The following HDAC9 variants were observed in gnomAD, a reference collection of about 807,000 sequenced individuals.
HDAC9 encodes the protein histone deacetylase 9, also known as MEF-2 interacting transcription repressor (MITR) protein.
Under a neutral mutation model 139.4 loss-of-function variants are expected in HDAC9, and 41 were observed. The observed-to-expected ratio is 0.29, with a 90% CI of 0.23 to 0.38. HDAC9 has a LOEUF of 0.38. Ranked by LOEUF, HDAC9 falls within the 10% of genes least tolerant of loss-of-function variation. HDAC9 has a pLI of 1.00. For missense variants in HDAC9, 1,147 were observed against 1,297.0 expected, an observed-to-expected ratio of 0.88 and a Z score of 1.78; for synonymous variants, 517 against 476.2, an observed-to-expected ratio of 1.09 and a Z score of -1.12.
At chr7:18,956,900 G>A (rs973306133) in intron 24 of HDAC9, among the ~76,000 whole-genome samples, 3 of 152,198 alleles carry the variant, frequency 2.0e-5, no homozygotes, top group African/African-American at 7.2e-5. Flanking sequence ...CCCATCCTTA[G>A]TGTAAGGCTC....
At chr7:18,589,657 G>GAAGT (rs1419490561) in intron 3 of HDAC9, among the ~76,000 whole-genome samples, 1 of 152,194 alleles carries the variant, frequency 6.6e-6, no homozygotes, top group Non-Finnish European at 1.5e-5. Flanking sequence ...AAGTTTTGTG[G>GAAGT]AAGTGGTTTC....
intron 1 of HDAC9, among the ~76,000 whole-genome samples, chr7:18,120,045 G>T (rs1784267020): frequency 6.6e-6 from 1 of 152,170 alleles, no homozygotes; most frequent in Admixed American, 6.5e-5. Flanking sequence ...CTGGAAATCA[G>T]TGTCTAATAG....
At chr7:18,740,049 G>C (rs1178149) in intron 13 of HDAC9, among the ~76,000 whole-genome samples, 27,083 of 152,212 alleles carry the variant, frequency 0.18, 2,790 homozygotes, top group East Asian at 0.43. Flanking sequence ...ACTGAGCAAG[G>C]CTCTATGAGC....
intron 22 of HDAC9, among the ~76,000 whole-genome samples, chr7:18,911,486 T>G (rs1802736912): frequency 6.6e-6 from 1 of 151,930 alleles, no homozygotes; most frequent in Non-Finnish European, 1.5e-5. Flanking sequence ...TTTGTTCATC[T>G]TTTGTATTTT....
At chr7:18,927,395 A>G (rs181235855) in intron 22 of HDAC9, among the ~76,000 whole-genome samples, 51 of 152,222 alleles carry the variant, frequency 3.4e-4, no homozygotes, top group Non-Finnish European at 7.1e-4. Flanking sequence ...GCCACATGCT[A>G]CCCGAATTTC....
intron 17 of HDAC9, among the ~76,000 whole-genome samples, chr7:18,820,888 C>T (rs1794914733): frequency 6.6e-6 from 1 of 152,104 alleles, no homozygotes; most frequent in Non-Finnish European, 1.5e-5. Flanking sequence ...TCTCTAAGGG[C>T]ATATTATAGA....
At chr7:18,491,273 A>G (rs1359949588), upstream of HDAC9, among the ~76,000 whole-genome samples, 4 of 152,010 alleles carry the variant, frequency 2.6e-5, no homozygotes, top group African/African-American at 7.2e-5. Context: ...TTAAAACAAA[A>G]CAATACACTG....
chr7:18,973,823 GGA>G (rs1784394077), intron 24 of HDAC9, among the ~76,000 whole-genome samples: 1 of 152,128 alleles, frequency 6.6e-6, no homozygotes, highest in South Asian at 2.1e-4. Flanking sequence ...TTTCCCACTT[GGA>G]CTTTTGCCAA....
intron 2 of HDAC9, among the ~76,000 whole-genome samples, chr7:18,521,737 C>G (rs182113478): frequency 4.6e-5 from 7 of 152,066 alleles, no homozygotes; most frequent in African/African-American, 1.7e-4. Context: ...TTTAGAAAAA[C>G]GATAATAAAT....
chr7:18,501,860 G>GTATA (rs1798467281), intron 2 of HDAC9, among the ~76,000 whole-genome samples: 1 of 152,120 alleles, frequency 6.6e-6, no homozygotes, highest in Non-Finnish European at 1.5e-5. Flanking sequence ...TAAGTAGTAG[G>GTATA]TATATTAGTT....
intron 16 of HDAC9, among the ~76,000 whole-genome samples, chr7:18,775,748 A>G (rs994799796): frequency 9.9e-5 from 15 of 150,880 alleles, no homozygotes; most frequent in South Asian, 6.3e-4. Flanking sequence ...TAGACTCTGC[A>G]TTGATTTTCT....
chr7:18,490,299 T>C (rs1205046388), intron 1 of HDAC9, among the ~76,000 whole-genome samples: 1 of 152,012 alleles, frequency 6.6e-6, no homozygotes, highest in Non-Finnish European at 1.5e-5. Context: ...ATTGCACTTC[T>C]AGCAAGTTCC....
intron 17 of HDAC9, among the ~76,000 whole-genome samples, chr7:18,804,144 T>C (rs1793518983): frequency 6.6e-6 from 1 of 152,224 alleles, no homozygotes; most frequent in Non-Finnish European, 1.5e-5. Context: ...CAGAAAGCTT[T>C]ACTGATAAGG....
intron 1 of HDAC9, among the ~76,000 whole-genome samples, chr7:18,424,247 G>T (rs1306437098): frequency 6.6e-6 from 1 of 152,138 alleles, no homozygotes; most frequent in Non-Finnish European, 1.5e-5. Flanking sequence ...CCAGTGTAGT[G>T]AAAAGAATAT....
intron 12 of HDAC9, among the ~76,000 whole-genome samples, chr7:18,715,025 T>C (rs1784600142): frequency 6.6e-6 from 1 of 152,224 alleles, no homozygotes; most frequent in African/African-American, 2.4e-5. Flanking sequence ...AGAAAAGACA[T>C]TCTTTTCAAA....
rs1433515219 is a variant in HDAC9 at position 18,997,998 on chromosome 7, AT to A, written c.*1940del. 6 of 152,166 alleles carry A rather than the reference AT, an allele frequency of 3.9e-5. No homozygotes were observed. Among genetic ancestry groups the A allele is most frequent in the Non-Finnish European group, 8.8e-5 (6 of 68,006 alleles). 9.4% of individuals were successfully genotyped at this position (152,166 alleles called of 1,614,324 possible). On this transcript the variant is annotated 3_prime_UTR_variant, in exon 26 of 26. Coordinates refer to ENST00000686413, the MANE Select transcript of HDAC9 (RefSeq NM_178425.4). ...CATAGTAGTAATCAATTTTTTATAA[AT>A]TTTATTTTCATGAGAAATTCATACC... is the stretch of plus-strand genomic sequence containing the variant.
At chr7:18,157,804 TGAGAGA>T (rs67690215) in intron 1 of HDAC9, among the ~76,000 whole-genome samples, 7,824 of 109,364 alleles carry the variant, frequency 0.072, 277 homozygotes, top group African/African-American at 0.083. Flanking sequence ...TTCTAAGGCA[TGAGAGA>T]GAGAGAGAGA....
chr7:18,475,451 A>C (rs1323583340), intron 1 of HDAC9, among the ~76,000 whole-genome samples: 1 of 152,214 alleles, frequency 6.6e-6, no homozygotes, highest in Non-Finnish European at 1.5e-5. Context: ...CCCGGGAGAT[A>C]TCTTGCTATC....
chr7:18,488,441 A>G (rs1796130154), intron 1 of HDAC9, among the ~76,000 whole-genome samples: 1 of 152,054 alleles, frequency 6.6e-6, no homozygotes. Context: ...CATTAGTTTT[A>G]GGGTCACAGA....
Sources: allele counts gnomAD v4.1 joint callset (sites outside exome capture counted in the v4.1 genomes callset), GRCh38; gene constraint gnomAD v4.1.1; transcripts MANE v1.5; gene names NCBI Gene and HGNC (gene_info 2026-07-23, HGNC 2026-07-21).